GALNT2: variants seen among roughly 807,000 people sequenced by gnomAD.
GALNT2 encodes the protein polypeptide N-acetylgalactosaminyltransferase 2.
A neutral mutation model predicts 81.4 loss-of-function variants in GALNT2; 31 were observed. That is an observed-to-expected ratio of 0.38 (90% CI 0.29 to 0.51). GALNT2 has a LOEUF of 0.51. GALNT2 is among the 20% of genes least tolerant of loss of function. The pLI, the probability that GALNT2 is intolerant of heterozygous loss-of-function variation, is 0.87. For missense variants in GALNT2, 629 were observed against 765.7 expected (o/e 0.82, Z 2.11); for synonymous variants, 303 against 287.4 (o/e 1.05, Z -0.55).
intron 6 of GALNT2, among the ~76,000 whole-genome samples, chr1:230,241,738 C>T (rs1379941367): frequency 1.3e-5 from 2 of 152,162 alleles, no homozygotes; most frequent in African/African-American, 2.4e-5. Context: ...TGAGCCACCA[C>T]GCCCGGCCAT....
intron 1 of GALNT2, among the ~76,000 whole-genome samples, chr1:230,106,556 A>C (rs1660551441): frequency 6.6e-6 from 1 of 152,234 alleles, no homozygotes; most frequent in Non-Finnish European, 1.5e-5. Flanking sequence ...TTTACATCAA[A>C]GGCTTTTGGA....
intron 1 of GALNT2, among the ~76,000 whole-genome samples, chr1:230,117,316 G>A (rs978571664): frequency 1.1e-4 from 17 of 152,230 alleles, no homozygotes; most frequent in Admixed American, 9.8e-4. Context: ...CACCTTCTCC[G>A]TATCAGCAAT....
chr1:230,197,886 C>T (rs1225612287), intron 2 of GALNT2, among the ~76,000 whole-genome samples: 1 of 152,120 alleles, frequency 6.6e-6, no homozygotes, highest in Non-Finnish European at 1.5e-5. Context: ...CCCTCTGTTC[C>T]CCCGTGCTCC....
At chr1:230,084,636 G>A (rs1269420105) in intron 1 of GALNT2, among the ~76,000 whole-genome samples, 1 of 152,084 alleles carries the variant, frequency 6.6e-6, no homozygotes, top group Non-Finnish European at 1.5e-5. Flanking sequence ...GGGTTGTGGA[G>A]GGTCTGCCAC....
At chr1:230,133,047 T>C (rs917567100) in intron 1 of GALNT2, among the ~76,000 whole-genome samples, 1 of 152,240 alleles carries the variant, frequency 6.6e-6, no homozygotes, top group African/African-American at 2.4e-5. Context: ...GTGGTAACAA[T>C]GTGTTGCAGT....
Position 230,279,549 on chromosome 1 carries a change from C to A in GALNT2, c.*91C>A. ...TTGATTATGTTTCTTAAACTTTCCGCGAAACTAATATACCTCAGTATTCCA... is the reference window on the plus strand; with the variant it reads ...TTGATTATGTTTCTTAAACTTTCCGAGAAACTAATATACCTCAGTATTCCA... On this transcript the variant is annotated 3_prime_UTR_variant, in exon 16 of 16. Transcript: ENST00000366672. This position sits in a 1 kb window ranked among gnomAD's most constrained non-coding sequence, Gnocchi z 4.6. 7.0e-7 allele frequency: 1 copy of A among 1,437,574 alleles called. No individual in the cohort carries two copies. The highest frequency in any genetic ancestry group is 9.4e-7 in the Non-Finnish European group (1 of 1,062,154). 89.1% of individuals were successfully genotyped at this position (1,437,574 alleles called of 1,614,324 possible). A position where few individuals can be genotyped will look rare whatever the true frequency, so the allele number is the denominator to read the frequency against.
At chr1:230,109,656 C>T (rs1231470242) in intron 1 of GALNT2, among the ~76,000 whole-genome samples, 2 of 152,114 alleles carry the variant, frequency 1.3e-5, no homozygotes, top group Admixed American at 6.5e-5. Context: ...GGTGAAACCC[C>T]ATCTCTACTA....
In GALNT2 at chr1:230,250,572, C is replaced by T; in HGVS notation, c.1009+12C>T. The T allele has an allele frequency of 6.3e-7, 1 of 1,591,668 alleles. No individual in the cohort carries two copies. Among genetic ancestry groups the T allele is most frequent in the Non-Finnish European group, 8.6e-7 (1 of 1,164,260 alleles). Reference sequence around the variant, plus strand: ...AGGAGAGAACCTAGGTATGTACAAGCCTCAAATCTCAGGACAGAGAAGTGC... The same window carrying T: ...AGGAGAGAACCTAGGTATGTACAAGTCTCAAATCTCAGGACAGAGAAGTGC... On this transcript the variant is annotated intron_variant, in intron 10 of 15. Transcript: ENST00000366672.
intron 3 of GALNT2, among the ~76,000 whole-genome samples, chr1:230,230,108 C>G (rs1050368568): frequency 6.6e-6 from 1 of 152,168 alleles, no homozygotes; most frequent in Admixed American, 6.5e-5. Context: ...ATATTTCACT[C>G]ACATAAACAC....
chr1:230,172,746 A>G (rs531441951), intron 1 of GALNT2, among the ~76,000 whole-genome samples: 16 of 152,366 alleles, frequency 1.1e-4, no homozygotes, highest in African/African-American at 3.6e-4. Context: ...GATCAGAGAC[A>G]GATTATACTG....
intron 3 of GALNT2, among the ~76,000 whole-genome samples, chr1:230,209,551 C>G (rs12058500): frequency 0.22 from 33,444 of 152,248 alleles, 4,579 homozygotes; most frequent in Middle Eastern, 0.31. Flanking sequence ...AAATACAAAT[C>G]TATTGTTGGG....
chr1:230,082,467 A>T (rs532861408), intron 1 of GALNT2, among the ~76,000 whole-genome samples: 1 of 152,320 alleles, frequency 6.6e-6, no homozygotes, highest in Admixed American at 6.5e-5. Context: ...ATCTCTTCCT[A>T]GGGCCTCTGG....
At chr1:230,072,028 T>C (rs1462939614) in intron 1 of GALNT2, among the ~76,000 whole-genome samples, 1 of 151,960 alleles carries the variant, frequency 6.6e-6, no homozygotes, top group Non-Finnish European at 1.5e-5. Context: ...GGGGGACACC[T>C]GGGAGGCTGG....
chr1:230,129,007 C>G (rs544111750), intron 1 of GALNT2, among the ~76,000 whole-genome samples: 2 of 152,388 alleles, frequency 1.3e-5, no homozygotes, highest in East Asian at 3.9e-4. Flanking sequence ...CCCCGCGACA[C>G]TTGTGAAGCA....
Position 230,271,328 on chromosome 1 carries a change from G to T in GALNT2, c.1441-3117G>T, listed in dbSNP as rs947799235. Among the ~76,000 whole-genome samples the T allele has an allele frequency of 3.9e-5, 6 of 152,210 alleles. No homozygotes were observed. The highest frequency in any genetic ancestry group is 1.4e-4 in the African/African-American group (6 of 41,450). On this transcript the variant is annotated intron_variant, in intron 14 of 15. Transcript: ENST00000366672. The surrounding 1 kb of genome is among the most constrained non-coding windows in gnomAD (Gnocchi z 4.2). ...TGACCCAGTGAATAGGAAAAAAGCT[G>T]CTTTTCCTCCTTTATACTCTCACAA...
At chr1:230,118,955 G>T (rs969402084) in intron 1 of GALNT2, among the ~76,000 whole-genome samples, 1 of 152,110 alleles carries the variant, frequency 6.6e-6, no homozygotes, top group Admixed American at 6.6e-5. Context: ...CCCTGGAAAT[G>T]GGCCCCAGAA....
intron 3 of GALNT2, among the ~76,000 whole-genome samples, chr1:230,227,443 A>T (rs1436906027): frequency 6.6e-6 from 1 of 150,580 alleles, no homozygotes; most frequent in Non-Finnish European, 1.5e-5. Context: ...CTATATATAT[A>T]TATGCTATAT....
intron 1 of GALNT2, among the ~76,000 whole-genome samples, chr1:230,160,582 T>C (rs1219457728): frequency 6.6e-6 from 1 of 151,968 alleles, no homozygotes; most frequent in Non-Finnish European, 1.5e-5. Context: ...GTCGTGGTAG[T>C]GGGCGCCTGT....
chr1:230,199,681 C>T (rs1663825388), intron 2 of GALNT2, among the ~76,000 whole-genome samples: 1 of 152,108 alleles, frequency 6.6e-6, no homozygotes. Context: ...GAAAGAAATA[C>T]TGTTGATAGT....
Sources: allele counts gnomAD v4.1 joint callset (sites outside exome capture counted in the v4.1 genomes callset), GRCh38; gene constraint gnomAD v4.1.1; non-coding constraint Gnocchi (gnomAD v3.1); transcripts MANE v1.5; gene names NCBI Gene and HGNC (gene_info 2026-07-23, HGNC 2026-07-21).